The following TBC1D19 variants were observed in gnomAD, a reference collection of about 807,000 sequenced individuals.
TBC1D19 encodes the protein TBC1 domain family, member 19.
Under a neutral mutation model 89.0 loss-of-function variants are expected in TBC1D19, and 60 were observed. The ratio of observed to expected loss-of-function variants is 0.67; its 90% CI spans 0.55 to 0.84. TBC1D19 has a LOEUF of 0.84. TBC1D19 is among the 40% of genes least tolerant of loss of function. The pLI, the probability that TBC1D19 is intolerant of heterozygous loss-of-function variation, is 0.00. For synonymous variants in TBC1D19, 189 were observed against 199.7 expected (o/e 0.95, Z 0.45); for missense variants, 500 against 610.8 (o/e 0.82, Z 1.91).
chr4:26,774,714 C>G, the TBC1D19 span, among the ~76,000 whole-genome samples: 1 of 152,160 alleles, frequency 6.6e-6, no homozygotes. Context: ...CTAATATTTT[C>G]TACATAAACG....
chr4:26,715,439 C>A (rs115332357), intron 13 of TBC1D19, among the ~76,000 whole-genome samples: 2,034 of 152,102 alleles, frequency 0.013, 37 homozygotes, highest in African/African-American at 0.047. Flanking sequence ...GATGGGTTCC[C>A]AGGGAAGCCA....
At position 26,638,809 on chromosome 4, in the gene TBC1D19, G is replaced by T; in HGVS notation, c.408G>T (p.Trp136Cys). ...VGEQKELLNK[W>C]NEMGTDEPDL... ...AACAGAAAGAACTTCTTAATAAATG[G>T]AATGAAATGGGAACTGATGAACCAG... The change falls in exon 6 of 21, where the codon TGG becomes TGT. Residue 136 changes from tryptophan to cysteine, a missense_variant. Transcript: ENST00000264866. 6.2e-7 allele frequency: 1 copy of T among 1,610,140 alleles called. No individual in the cohort carries two copies. Among genetic ancestry groups the T allele is most frequent in the Non-Finnish European group, 8.5e-7 (1 of 1,178,742 alleles).
At chr4:26,620,363 G>A (rs1336402601) in intron 3 of TBC1D19, among the ~76,000 whole-genome samples, 1 of 152,116 alleles carries the variant, frequency 6.6e-6, no homozygotes, top group Admixed American at 6.6e-5. Flanking sequence ...GTGATTATTG[G>A]CTTTCTTCAC....
chr4:26,644,409 G>A (rs1202146512), intron 7 of TBC1D19, among the ~76,000 whole-genome samples: 1 of 152,282 alleles, frequency 6.6e-6, no homozygotes, highest in South Asian at 2.1e-4. Context: ...ACTAGGTATT[G>A]ATGGAACGTA....
chr4:26,692,398 G>A (rs184837997), intron 13 of TBC1D19, among the ~76,000 whole-genome samples: 17 of 152,276 alleles, frequency 1.1e-4, no homozygotes, highest in African/African-American at 4.1e-4. Flanking sequence ...TGTTTATAGA[G>A]GGGACAGAGG....
intron 1 of TBC1D19, among the ~76,000 whole-genome samples, chr4:26,596,534 A>G (rs1405123049): frequency 6.7e-6 from 1 of 150,136 alleles, no homozygotes; most frequent in Admixed American, 6.7e-5. Context: ...TATTAATTTT[A>G]TTAGTCTCAT....
the TBC1D19 span, among the ~76,000 whole-genome samples, chr4:26,845,674 A>G: frequency 2.0e-5 from 3 of 152,252 alleles, no homozygotes; most frequent in Admixed American, 2.0e-4. Context: ...ATAAAGAAAA[A>G]GAGGTTTAAT....
intron 5 of TBC1D19, 108 bp downstream of exon 5, chr4:26,637,393 G>C (rs1310110535): frequency 6.3e-6 from 6 of 948,306 alleles, no homozygotes; most frequent in Non-Finnish European, 9.3e-6. Context: ...TTTATTTAGA[G>C]ACAGAGTCTT....
upstream of TBC1D19, chr4:26,583,919 C>T (rs1376454609): frequency 4.5e-6 from 2 of 446,208 alleles, no homozygotes; most frequent in Non-Finnish European, 8.2e-6. Context: ...TCTTGCCTTT[C>T]AACCATAGAC....
the TBC1D19 span, among the ~76,000 whole-genome samples, chr4:26,814,009 T>A: frequency 6.6e-6 from 1 of 151,882 alleles, no homozygotes; most frequent in South Asian, 2.1e-4. Flanking sequence ...CACCATCAGC[T>A]CTTAGAGGTA....
chr4:26,697,970 C>T (rs866274378), intron 13 of TBC1D19, among the ~76,000 whole-genome samples: 2 of 152,114 alleles, frequency 1.3e-5, no homozygotes, highest in Admixed American at 6.5e-5. Flanking sequence ...GATGCCCTCT[C>T]TCACCACTCC....
the TBC1D19 span, among the ~76,000 whole-genome samples, chr4:26,818,625 A>T: frequency 1.8e-4 from 28 of 152,202 alleles, no homozygotes; most frequent in African/African-American, 6.8e-4. Flanking sequence ...CTTTACTCGT[A>T]TTCCCCAAAT....
intron 1 of TBC1D19, among the ~76,000 whole-genome samples, chr4:26,602,719 C>T (rs1478790611): frequency 6.6e-6 from 1 of 151,538 alleles, no homozygotes; most frequent in Admixed American, 6.6e-5. Flanking sequence ...GGATTACAGG[C>T]GTGAGCCACC....
At chr4:26,812,283 T>G in the TBC1D19 span, among the ~76,000 whole-genome samples, 1 of 152,210 alleles carries the variant, frequency 6.6e-6, no homozygotes, top group Non-Finnish European at 1.5e-5. This position sits in a 1 kb window ranked among gnomAD's most constrained non-coding sequence, Gnocchi z 4.2. Context: ...AGCACTGCCA[T>G]CTTTCCTTCC....
At chr4:26,602,728 C>T (rs993377992) in intron 1 of TBC1D19, among the ~76,000 whole-genome samples, 1 of 151,808 alleles carries the variant, frequency 6.6e-6, no homozygotes, top group Non-Finnish European at 1.5e-5. Flanking sequence ...GCGTGAGCCA[C>T]CACGCCCAGC....
Position 26,720,253 on chromosome 4 carries a change from T to G in TBC1D19, c.1084+128T>G, listed in dbSNP as rs953551126. The G allele has an allele frequency of 9.2e-5, 61 of 666,082 alleles. No individual in the cohort carries two copies. In the East Asian group the frequency reaches 1.9e-3, roughly 21 times the overall value. 41.3% of individuals were successfully genotyped at this position (666,082 alleles called of 1,614,324 possible). A position where few individuals can be genotyped will look rare whatever the true frequency, so the allele number is the denominator to read the frequency against. ...TATCTAAAATAAACCTTCCATAGAATGTATAATTTAATGAAATCCTCCACA... is the reference window on the plus strand; with the variant it reads ...TATCTAAAATAAACCTTCCATAGAAGGTATAATTTAATGAAATCCTCCACA... On this transcript the variant is annotated intron_variant, in intron 15 of 20. Coordinates refer to ENST00000264866, the MANE Select transcript of TBC1D19 (RefSeq NM_018317.4).
the TBC1D19 span, among the ~76,000 whole-genome samples, chr4:26,810,569 C>T: frequency 1.3e-5 from 2 of 152,116 alleles, no homozygotes; most frequent in Non-Finnish European, 2.9e-5. Context: ...CATTGCAGTT[C>T]TCGGGACACA....
the TBC1D19 span, among the ~76,000 whole-genome samples, chr4:26,777,868 C>G: frequency 6.6e-6 from 1 of 151,776 alleles, no homozygotes; most frequent in Non-Finnish European, 1.5e-5. Context: ...ATTGTTGGAG[C>G]CCAGGAGTTC....
chr4:26,674,126 A>C (rs1712583631), intron 11 of TBC1D19, among the ~76,000 whole-genome samples: 1 of 152,164 alleles, frequency 6.6e-6, no homozygotes, highest in Non-Finnish European at 1.5e-5. Context: ...GACCTTACAT[A>C]TACAACAAAA....
Sources: allele counts gnomAD v4.1 joint callset (sites outside exome capture counted in the v4.1 genomes callset), GRCh38; gene constraint gnomAD v4.1.1; non-coding constraint Gnocchi (gnomAD v3.1); transcripts MANE v1.5; gene names NCBI Gene and HGNC (gene_info 2026-07-23, HGNC 2026-07-21).